Variants in FUBP3 observed in about 807,000 individuals in gnomAD.
FUBP3 encodes far upstream element binding protein 3, also known as far upstream element-binding protein 3.
In FUBP3, 28 loss-of-function variants were observed where a neutral mutation model predicts 85.6. That is an observed-to-expected ratio of 0.33 (90% confidence interval 0.24 to 0.45). The LOEUF (loss-of-function observed/expected upper bound fraction) is 0.45, where lower values mean the gene tolerates loss of function less well. FUBP3 is among the 20% of genes least tolerant of loss of function. The pLI is 1.00. For missense variants in FUBP3, 583 were observed against 755.1 expected (o/e 0.77, Z 2.67); for synonymous variants, 271 against 271.4 (o/e 1.00, Z 0.01).
At chr9:130,627,258 G>A (rs978415179) in intron 12 of FUBP3, among the ~76,000 whole-genome samples, 12 of 152,368 alleles carry the variant, frequency 7.9e-5, no homozygotes, top group East Asian at 7.7e-4. Flanking sequence ...CTCGGCTTCC[G>A]TGGGGCTCTG....
chr9:130,636,528 A>G (rs529075700), intron 18 of FUBP3, among the ~76,000 whole-genome samples: 1 of 152,334 alleles, frequency 6.6e-6, no homozygotes, highest in South Asian at 2.1e-4. Context: ...GCCGTCAGCC[A>G]TGCCCGGGCA....
intron 8 of FUBP3, 102 bp from the exon 9 acceptor site, chr9:130,620,252 T>G: frequency 1.5e-6 from 1 of 675,252 alleles, no homozygotes; most frequent in Non-Finnish European, 2.6e-6. Flanking sequence ...GCTGAGCGCC[T>G]TTAAACCCAA....
At chr9:130,626,824 CTGAT>C (rs1242395745) in intron 12 of FUBP3, among the ~76,000 whole-genome samples, 3 of 152,164 alleles carry the variant, frequency 2.0e-5, no homozygotes, top group Non-Finnish European at 2.9e-5. Flanking sequence ...TGTCAATCGA[CTGAT>C]TGGTAATTAA....
chr9:130,590,021 A>ATTTTT lies in FUBP3; in HGVS notation c.85-5436_85-5432dup, dbSNP rs60878897. Among the ~76,000 whole-genome samples, 232 of 45,996 alleles carry ATTTTT rather than the reference A, an allele frequency of 5.0e-3. 29 individuals carry two copies. The highest frequency in any genetic ancestry group is 0.016 in the African/African-American group (165 of 10,446). 30.2% of individuals were successfully genotyped at this position (45,996 alleles called of 152,430 possible). A position where few individuals can be genotyped will look rare whatever the true frequency, so the allele number is the denominator to read the frequency against. ...TGAGCCACCACACCCGGCCTATTTA[A>ATTTTT]TTTTTTTTTTTTTTTTTTTTTTTTT... On this transcript the variant is annotated intron_variant, in intron 1 of 18. Transcript: ENST00000319725.
chr9:130,627,294 A>G (rs1830016805), intron 12 of FUBP3, among the ~76,000 whole-genome samples: 1 of 151,832 alleles, frequency 6.6e-6, no homozygotes, highest in African/African-American at 2.4e-5. Context: ...CCAGCGGGGG[A>G]CTCCCGTTGT....
intron 16 of FUBP3, among the ~76,000 whole-genome samples, chr9:130,633,130 G>A (rs939803072): frequency 1.2e-4 from 18 of 152,194 alleles, no homozygotes; most frequent in Admixed American, 5.2e-4. Flanking sequence ...CCTTAGGCAC[G>A]CCCTGCCTTC....
chr9:130,620,188 A>G (rs1443222606), intron 8 of FUBP3, among the ~76,000 whole-genome samples, 166 bp from the exon 9 acceptor site: 1 of 152,224 alleles, frequency 6.6e-6, no homozygotes, highest in Non-Finnish European at 1.5e-5. Context: ...CACTTAAGAT[A>G]CGATACACAC....
At chr9:130,625,331 C>G (rs1392338956) in intron 11 of FUBP3, among the ~76,000 whole-genome samples, 1 of 152,240 alleles carries the variant, frequency 6.6e-6, no homozygotes, top group Non-Finnish European at 1.5e-5. Context: ...TGTGAACATC[C>G]ATTCTAAAAT....
In FUBP3 at chr9:130,609,182, A is replaced by C. The variant is rs1207603867; in HGVS notation, c.191-772A>C. On this transcript the variant is annotated intron_variant, in intron 2 of 18. Coordinates refer to ENST00000319725, the MANE Select transcript of FUBP3 (RefSeq NM_003934.2). ...AATCATTTTTGCTGATGGCTGGTGA[A>C]GGAGAGACACTCATCAATAGCTGAA... Among the ~76,000 whole-genome samples, 3 of 152,218 alleles carry C rather than the reference A, an allele frequency of 2.0e-5. No individual in the cohort carries two copies. The South Asian group carries it at 6.2e-4, about 32-fold the overall frequency.
chr9:130,590,649 T>G (rs1024501675), intron 1 of FUBP3, among the ~76,000 whole-genome samples: 1 of 152,162 alleles, frequency 6.6e-6, no homozygotes, highest in East Asian at 1.9e-4. Context: ...GGACTGTACC[T>G]CACTTCCCTT....
chr9:130,607,437 A>G (rs779577216), intron 2 of FUBP3, among the ~76,000 whole-genome samples: 3 of 152,204 alleles, frequency 2.0e-5, no homozygotes, highest in Admixed American at 6.5e-5. Flanking sequence ...AATTGCTCCA[A>G]CGGGACCTTT....
At chr9:130,601,951 G>A (rs1293788744) in intron 2 of FUBP3, among the ~76,000 whole-genome samples, 20 of 151,942 alleles carry the variant, frequency 1.3e-4, no homozygotes, top group South Asian at 2.1e-4. Context: ...ACAGGCGTGC[G>A]CCACCACAAC....
In FUBP3 at chr9:130,606,112, G is replaced by C. The variant is rs150965518; in HGVS notation, c.191-3842G>C. On this transcript the variant is annotated intron_variant, in intron 2 of 18. Transcript: ENST00000319725. ...AAGGACTTTCAGCTGAACTCAGCAT[G>C]TCAGTGTTTTGTGGCCCTGGAGCAA... 2.7e-3 allele frequency among the ~76,000 whole-genome samples: 416 copies of C among 152,314 alleles called. 3 individuals carry two copies. The highest frequency in any genetic ancestry group is 9.8e-3 in the African/African-American group (408 of 41,556).
chr9:130,615,727 G>A (rs1277423542), intron 6 of FUBP3, among the ~76,000 whole-genome samples: 2 of 152,212 alleles, frequency 1.3e-5, no homozygotes, highest in Admixed American at 1.3e-4. Flanking sequence ...AAAGCCCAAA[G>A]CAGGTGTCTG....
chr9:130,635,435 C>A lies in FUBP3; in HGVS notation c.1583-564C>A, dbSNP rs1471403755. Reference sequence around the variant, plus strand: ...ATGTTTCTTGCTGGTTGGAAGAGATCGGGTTGAAGGCTACCAGAGAAGTGG... The same window carrying A: ...ATGTTTCTTGCTGGTTGGAAGAGATAGGGTTGAAGGCTACCAGAGAAGTGG... On this transcript the variant is annotated intron_variant, in intron 17 of 18. Coordinates refer to ENST00000319725, the MANE Select transcript of FUBP3 (RefSeq NM_003934.2). The surrounding 1 kb of genome is among the most constrained non-coding windows in gnomAD (Gnocchi z 4.3). Among the ~76,000 whole-genome samples, 3 of 152,138 alleles carry A rather than the reference C, an allele frequency of 2.0e-5. No homozygotes were observed. Among genetic ancestry groups the A allele is most frequent in the Non-Finnish European group, 2.9e-5 (2 of 68,024 alleles).
chr9:130,579,686 G>A lies in FUBP3; in HGVS notation c.6G>A (p.Ala2=), dbSNP rs1167436718. Reference sequence around the variant, plus strand: ...CGACGGCGGCGGGGGCGGTAATGGCGGAGCTGGTGCAGGGGCAGAGCGCTC... The same window carrying A: ...CGACGGCGGCGGGGGCGGTAATGGCAGAGCTGGTGCAGGGGCAGAGCGCTC... M[A]ELVQGQSAPV... Residue 2 remains alanine (A), a synonymous_variant, in exon 1 of 19, where the codon GCG becomes GCA. Transcript: ENST00000319725. The A allele has an allele frequency of 2.4e-6, 3 of 1,257,586 alleles. No homozygotes were observed. The highest frequency in any genetic ancestry group is 3.0e-6 in the Non-Finnish European group (3 of 999,432). 77.9% of individuals were successfully genotyped at this position (1,257,586 alleles called of 1,614,324 possible). A position where few individuals can be genotyped will look rare whatever the true frequency, so the allele number is the denominator to read the frequency against.
In FUBP3 at chr9:130,579,599, A is replaced by G; in HGVS notation, c.-82A>G. ...TTCCTTTTCCGGCTACGGGTCCCCAAGCGGAGCGGGAGGCCGGACCGGGGA... is the reference window on the plus strand; with the variant it reads ...TTCCTTTTCCGGCTACGGGTCCCCAGGCGGAGCGGGAGGCCGGACCGGGGA... On this transcript the variant is annotated 5_prime_UTR_variant, in exon 1 of 19. Coordinates refer to ENST00000319725, the MANE Select transcript of FUBP3 (RefSeq NM_003934.2). 1.1e-6 allele frequency: 1 copy of G among 885,812 alleles called. No homozygotes were observed. Among genetic ancestry groups the G allele is most frequent in the Non-Finnish European group, 1.5e-6 (1 of 674,526 alleles). The allele number at this position is 885,812 out of a possible 1,614,324, so 54.9% of individuals were successfully genotyped here. A position where few individuals can be genotyped will look rare whatever the true frequency, so the allele number is the denominator to read the frequency against.
rs934473534 is a variant in FUBP3 at position 130,616,013 on chromosome 9, A to T, written c.405-342A>T. ...TCATGTTGGATGGGGGAACAGAGAG[A>T]TGTAAAGGGATGAAAGATGGTCTCT... is the stretch of plus-strand genomic sequence containing the variant. On this transcript the variant is annotated intron_variant, in intron 6 of 18. Transcript: ENST00000319725. The surrounding 1 kb of genome is among the most constrained non-coding windows in gnomAD (Gnocchi z 4.7). Among the ~76,000 whole-genome samples, 2 of 152,128 alleles carry T rather than the reference A, an allele frequency of 1.3e-5. No individual in the cohort carries two copies. The highest frequency in any genetic ancestry group is 4.8e-5 in the African/African-American group (2 of 41,404).
Position 130,637,818 on chromosome 9 carries a change from A to C in FUBP3, c.*796A>C, listed in dbSNP as rs576078840. 2 of 152,646 alleles carry C rather than the reference A, an allele frequency of 1.3e-5. No individual in the cohort carries two copies. The highest frequency in any genetic ancestry group is 4.1e-4 in the South Asian group (2 of 4,832). 9.5% of individuals were successfully genotyped at this position (152,646 alleles called of 1,614,324 possible). On this transcript the variant is annotated 3_prime_UTR_variant, in exon 19 of 19. Coordinates refer to ENST00000319725, the MANE Select transcript of FUBP3 (RefSeq NM_003934.2). ...CAGAAATATAAATACTGTTATTTTT[A>C]ATATTAAGAAATTCAATATAACTTT... is the stretch of plus-strand genomic sequence containing the variant.
Sources: gnomAD v4.1 joint callset for allele counts (sites outside exome capture counted in the v4.1 genomes callset) on GRCh38, gnomAD v4.1.1 for gene constraint, Gnocchi (gnomAD v3.1) non-coding constraint, MANE v1.5 for transcripts, NCBI Gene and HGNC (gene_info 2026-07-23, HGNC 2026-07-21) for gene names.